CYP19A1: variants seen among roughly 807,000 people sequenced by gnomAD.
CYP19A1 encodes the protein cytochrome P450 family 19 subfamily A member 1, also known as aromatase.
A neutral mutation model predicts 44.4 loss-of-function variants in CYP19A1; 32 were observed. The observed-to-expected ratio is 0.72, with a 90% CI of 0.54 to 0.97. CYP19A1 has a LOEUF of 0.97. Ranked by LOEUF, CYP19A1 falls within the 50% of genes least tolerant of loss-of-function variation. The pLI is 0.00. For missense variants in CYP19A1, 598 were observed against 637.8 expected (o/e 0.94, Z 0.67); for synonymous variants, 212 against 215.6 (o/e 0.98, Z 0.14).
At chr15:51,276,730 C>T (rs529743390) in intron 1 of CYP19A1, among the ~76,000 whole-genome samples, 37 of 152,190 alleles carry the variant, frequency 2.4e-4, no homozygotes, top group Non-Finnish European at 3.4e-4. Flanking sequence ...TAACTTCAAG[C>T]AAAGTCTCCA....
At chr15:51,296,979 C>G (rs1017471491) in intron 1 of CYP19A1, among the ~76,000 whole-genome samples, 8 of 152,128 alleles carry the variant, frequency 5.3e-5, no homozygotes, top group African/African-American at 1.4e-4. Context: ...AGTTGGATTG[C>G]GAACTGTTTT....
chr15:51,303,803 T>C (rs1278137882), intron 1 of CYP19A1, among the ~76,000 whole-genome samples: 1 of 152,126 alleles, frequency 6.6e-6, no homozygotes, highest in Non-Finnish European at 1.5e-5. Flanking sequence ...GACAACCAAT[T>C]CACCTTTGGC....
chr15:51,235,818 T>G (rs183179823), intron 3 of CYP19A1, among the ~76,000 whole-genome samples: 1 of 152,234 alleles, frequency 6.6e-6, no homozygotes, highest in East Asian at 1.9e-4. Flanking sequence ...TTCTAACAAA[T>G]TGGTAAAACA....
At chr15:51,315,529 A>G (rs1182115851) in intron 1 of CYP19A1, among the ~76,000 whole-genome samples, 2 of 152,196 alleles carry the variant, frequency 1.3e-5, no homozygotes, top group African/African-American at 4.8e-5. Flanking sequence ...CCATATCTGC[A>G]CAGTTTACTG....
chr15:51,301,463 G>A (rs2036110736), intron 1 of CYP19A1, among the ~76,000 whole-genome samples: 1 of 152,194 alleles, frequency 6.6e-6, no homozygotes, highest in South Asian at 2.1e-4. Flanking sequence ...TTCTGCCAAG[G>A]CAAGTACATA....
chr15:51,303,631 ACTGT>A (rs2036158881), intron 1 of CYP19A1, among the ~76,000 whole-genome samples: 2 of 152,044 alleles, frequency 1.3e-5, no homozygotes, highest in South Asian at 4.2e-4. Flanking sequence ...AGTGGAAAAA[ACTGT>A]CTGAGCAAAT....
In CYP19A1 at chr15:51,222,426, T is replaced by A. The variant is rs756175478; in HGVS notation, c.551A>T (p.Tyr184Phe). ...ACGCAGAAGGGTCAACACGTCCACA[T>A]AGCCCGATTCATTGGTCACCTCCTC... ...RLEEVTNESG[Y>F]VDVLTLLRRV... is the part of the protein sequence containing the mutation. Residue 184 changes from tyrosine (Y) to phenylalanine (F), a missense_variant, in exon 5 of 10, where the codon TAT becomes TTT. Tyr to Phe is a conservative substitution (Grantham distance 22, BLOSUM62 3). Transcript: ENST00000396402. 1 of 1,614,174 alleles carries A rather than the reference T, an allele frequency of 6.2e-7. No homozygotes were observed.
At chr15:51,249,949 C>T (rs1158961733) in intron 1 of CYP19A1, among the ~76,000 whole-genome samples, 1 of 152,136 alleles carries the variant, frequency 6.6e-6, no homozygotes, top group Non-Finnish European at 1.5e-5. Flanking sequence ...CCAGTGATTC[C>T]CTGGGACATT....
At chr15:51,271,625 C>T (rs1321119940) in intron 1 of CYP19A1, among the ~76,000 whole-genome samples, 1 of 152,198 alleles carries the variant, frequency 6.6e-6, no homozygotes, top group African/African-American at 2.4e-5. Flanking sequence ...TTCTAGGGAT[C>T]CCACCATCCT....
intron 1 of CYP19A1, among the ~76,000 whole-genome samples, chr15:51,264,478 T>G (rs1433521093): frequency 6.7e-6 from 1 of 148,550 alleles, no homozygotes; most frequent in East Asian, 2.0e-4. Context: ...TTACAGGAGA[T>G]TTCAGTCTTT....
At chr15:51,212,836 C>G (rs1472939768) in intron 8 of CYP19A1, among the ~76,000 whole-genome samples, 3 of 152,196 alleles carry the variant, frequency 2.0e-5, no homozygotes, top group Non-Finnish European at 4.4e-5. Context: ...GCTGAACTTA[C>G]ATTCCCACAT....
intron 1 of CYP19A1, among the ~76,000 whole-genome samples, chr15:51,288,430 A>G (rs925857744): frequency 4.0e-5 from 6 of 151,608 alleles, no homozygotes; most frequent in Admixed American, 2.6e-4. Flanking sequence ...ACCATCCCAC[A>G]CCCTTTGGGG....
In CYP19A1 at chr15:51,305,142, C is replaced by T. The variant is rs532219341; in HGVS notation, c.-39+33353G>A. Among the ~76,000 whole-genome samples the T allele has an allele frequency of 3.7e-4, 57 of 152,136 alleles. 1 individual carries two copies. The highest frequency in any genetic ancestry group is 2.5e-3 in the South Asian group (12 of 4,822). ...CTCAAACTCCTGACCTCAAGTTATC[C>T]GCCCACCTTGGCCTCCCAAAGTGCT... On this transcript the variant is annotated intron_variant, in intron 1 of 9. Transcript: ENST00000396402.
At chr15:51,216,008 G>C (rs970157814) in intron 6 of CYP19A1, 191 bp from the exon 7 acceptor site, 13 of 1,171,456 alleles carry the variant, frequency 1.1e-5, no homozygotes, top group Non-Finnish European at 1.5e-5. Flanking sequence ...TTCATGTTAA[G>C]GTGCCAGAGT....
At chr15:51,337,236 C>T (rs923030056) in intron 1 of CYP19A1, among the ~76,000 whole-genome samples, 3 of 152,116 alleles carry the variant, frequency 2.0e-5, no homozygotes, top group Non-Finnish European at 1.5e-5. Flanking sequence ...TATTGTAACC[C>T]AACTGAAGAA....
chr15:51,220,076 A>G (rs145350512), intron 5 of CYP19A1, among the ~76,000 whole-genome samples: 3 of 152,338 alleles, frequency 2.0e-5, no homozygotes, highest in Admixed American at 6.5e-5. Flanking sequence ...TATACCAGGT[A>G]GCATGTGTTC....
intron 1 of CYP19A1, among the ~76,000 whole-genome samples, chr15:51,336,637 G>T (rs1400186125): frequency 6.6e-6 from 1 of 152,220 alleles, no homozygotes; most frequent in Non-Finnish European, 1.5e-5. Flanking sequence ...AGGAAGAAAT[G>T]CTGTGGAACT....
intron 1 of CYP19A1, among the ~76,000 whole-genome samples, chr15:51,276,062 TCTCA>T (rs1312444606): frequency 1.3e-5 from 2 of 152,222 alleles, no homozygotes; most frequent in Admixed American, 6.5e-5. Context: ...CCTAGGAAGC[TCTCA>T]CTGATAGAGA....
In CYP19A1 at chr15:51,326,852, C is replaced by T. The variant is rs1003311739; in HGVS notation, c.-39+11643G>A. Among the ~76,000 whole-genome samples the T allele has an allele frequency of 2.6e-5, 4 of 152,334 alleles. No homozygotes were observed. In the East Asian group the frequency reaches 7.7e-4, roughly 29 times the overall value. On this transcript the variant is annotated intron_variant, in intron 1 of 9. Coordinates refer to ENST00000396402, the MANE Select transcript of CYP19A1 (RefSeq NM_000103.4). ...CTTCGTGGTGTATCTACTATAAACA[C>T]ATCACTGTGTAATTCCTCTGAATCG...
Sources: gnomAD v4.1 joint callset for allele counts (sites outside exome capture counted in the v4.1 genomes callset) on GRCh38, gnomAD v4.1.1 for gene constraint, MANE v1.5 for transcripts, NCBI Gene and HGNC (gene_info 2026-07-23, HGNC 2026-07-21) for gene names.